SDK1: variants seen among roughly 807,000 people sequenced by gnomAD.
The protein encoded by SDK1 is protein sidekick-1.
Under a neutral mutation model 245.5 loss-of-function variants are expected in SDK1, and 157 were observed. The observed-to-expected ratio is 0.64, with a 90% confidence interval of 0.56 to 0.73. SDK1 has a LOEUF of 0.73. Among genes scored for constraint, SDK1 ranks in the 30% least tolerant of loss-of-function variants. The pLI is 0.00. For missense variants in SDK1, 3,583 were observed against 3,002.3 expected (o/e 1.19, Z -4.52); for synonymous variants, 1,647 against 1,278.5 (o/e 1.29, Z -6.15).
At chr7:3,759,957 C>G (rs1036089271) in intron 4 of SDK1, among the ~76,000 whole-genome samples, 4 of 152,098 alleles carry the variant, frequency 2.6e-5, no homozygotes, top group Non-Finnish European at 5.9e-5. Flanking sequence ...TATATATTTC[C>G]TTTTCCCATC....
chr7:4,012,254 G>A lies in SDK1; in HGVS notation c.2420+19G>A, dbSNP rs752129543. The stretch of plus-strand genomic sequence containing the variant: ...TCCTCAGGCAAGTGCCCTGTGATTG[G>A]CCATCTTTAGGCCGCCATTAGAGTT... On this transcript the variant is annotated intron_variant, in intron 16 of 44. Transcript: ENST00000404826. 1.4e-6 allele frequency: 2 copies of A among 1,466,874 alleles called. No homozygotes were observed. Among genetic ancestry groups the A allele is most frequent in the South Asian group, 1.5e-5 (1 of 66,308 alleles). 90.9% of individuals were successfully genotyped at this position (1,466,874 alleles called of 1,614,324 possible).
At chr7:3,404,207 T>C (rs1778992376) in intron 1 of SDK1, among the ~76,000 whole-genome samples, 1 of 151,996 alleles carries the variant, frequency 6.6e-6, no homozygotes, top group South Asian at 2.1e-4. Context: ...TTTTACAAAT[T>C]AAAGCCCTCA....
At chr7:4,234,732 CG>C (rs913887250) in intron 41 of SDK1, among the ~76,000 whole-genome samples, 2 of 152,176 alleles carry the variant, frequency 1.3e-5, no homozygotes, top group African/African-American at 4.8e-5. Flanking sequence ...TGGCTCCAGG[CG>C]TGACTTTCTT....
chr7:4,060,423 G>A (rs1779465050), intron 19 of SDK1, among the ~76,000 whole-genome samples: 1 of 152,152 alleles, frequency 6.6e-6, no homozygotes, highest in African/African-American at 2.4e-5. Flanking sequence ...GTGTTTTTTG[G>A]CTGCATAAAT....
intron 4 of SDK1, among the ~76,000 whole-genome samples, chr7:3,815,538 G>A (rs902201484): frequency 1.3e-5 from 2 of 149,318 alleles, no homozygotes; most frequent in East Asian, 2.0e-4. Flanking sequence ...GAGGATTTTT[G>A]CATCAATGTT....
chr7:4,031,848 G>A (rs1787841626), intron 17 of SDK1, among the ~76,000 whole-genome samples: 4 of 152,014 alleles, frequency 2.6e-5, no homozygotes. Flanking sequence ...CCAACATGGT[G>A]AAACTCTGTC....
chr7:4,059,928 G>A (rs994293638), intron 19 of SDK1, among the ~76,000 whole-genome samples: 13 of 148,542 alleles, frequency 8.8e-5, no homozygotes, highest in African/African-American at 3.0e-4. Flanking sequence ...CGCCCAGGCT[G>A]GAGTGCAGTG....
At chr7:3,685,551 A>C (rs1389061170) in intron 4 of SDK1, among the ~76,000 whole-genome samples, 2 of 152,212 alleles carry the variant, frequency 1.3e-5, no homozygotes, top group Non-Finnish European at 2.9e-5. Flanking sequence ...GGGCAAATAT[A>C]ATACACAATC....
chr7:3,685,825 A>G (rs1784265590), intron 4 of SDK1, among the ~76,000 whole-genome samples: 1 of 152,098 alleles, frequency 6.6e-6, no homozygotes, highest in Non-Finnish European at 1.5e-5. Flanking sequence ...AAAATACTCA[A>G]CCTATAGGAA....
intron 1 of SDK1, among the ~76,000 whole-genome samples, chr7:3,616,510 G>A (rs945343645): frequency 2.0e-5 from 3 of 152,172 alleles, no homozygotes; most frequent in South Asian, 4.1e-4. Context: ...CTGCTTAACG[G>A]TTTGGAGTGC....
chr7:3,944,329 T>A (rs1053059159), intron 5 of SDK1, among the ~76,000 whole-genome samples: 1 of 152,238 alleles, frequency 6.6e-6, no homozygotes, highest in Non-Finnish European at 1.5e-5. Flanking sequence ...TACCAAGATG[T>A]TTTGTGGCTG....
chr7:3,596,814 C>T (rs1478982833), intron 1 of SDK1, among the ~76,000 whole-genome samples: 8 of 152,156 alleles, frequency 5.3e-5, no homozygotes, highest in Non-Finnish European at 7.3e-5. Context: ...ACTCATGCTG[C>T]CACATCATCA....
rs534162253 is a variant in SDK1, at chr7:3,589,609, A to G, written c.299-29471A>G. Among the ~76,000 whole-genome samples, 4 of 152,334 alleles carry G rather than the reference A, an allele frequency of 2.6e-5. No individual in the cohort carries two copies. The East Asian group carries it at 7.7e-4, about 29-fold the overall frequency. The stretch of plus-strand genomic sequence containing the variant: ...GGGGAGGCCTCACAATCATGGTGGA[A>G]GGCAAAGGAGGAGTACAGACACGTC... On this transcript the variant is annotated intron_variant, in intron 1 of 44. Coordinates refer to ENST00000404826, the MANE Select transcript of SDK1 (RefSeq NM_152744.4).
Position 4,266,852 on chromosome 7 carries a change from A to T in SDK1, c.*1468A>T, listed in dbSNP as rs59729650. On this transcript the variant is annotated 3_prime_UTR_variant, in exon 45 of 45. Coordinates refer to ENST00000404826, the MANE Select transcript of SDK1 (RefSeq NM_152744.4). ...CAGCGTGACACACACAAGACTCAAGACCACCCTGTCAGTGCCCCCCAGTGC... is the reference window on the plus strand; with the variant it reads ...CAGCGTGACACACACAAGACTCAAGTCCACCCTGTCAGTGCCCCCCAGTGC... The T allele has an allele frequency of 1.0e-6, 1 of 985,422 alleles. No individual in the cohort carries two copies. The highest frequency in any genetic ancestry group is 1.7e-5 in the African/African-American group (1 of 57,314). The allele number at this position is 985,422 out of a possible 1,614,324, so 61.0% of individuals were successfully genotyped here.
chr7:3,701,495 G>C lies in SDK1; in HGVS notation c.713+59390G>C, dbSNP rs1015447237. Among the ~76,000 whole-genome samples, 7 of 152,278 alleles carry C rather than the reference G, an allele frequency of 4.6e-5. No homozygotes were observed. The South Asian group carries it at 6.2e-4, about 14-fold the overall frequency. ...CGTGCCTGTAGTCCCAGCTACTTGG[G>C]ACCGTGGGGCAGGTGGATTGCTTGA... On this transcript the variant is annotated intron_variant, in intron 4 of 44. Coordinates refer to ENST00000404826, the MANE Select transcript of SDK1 (RefSeq NM_152744.4).
In SDK1 at chr7:3,633,692, T is replaced by C. The variant is rs777813747; in HGVS notation, c.459-5312T>C. Among the ~76,000 whole-genome samples the C allele has an allele frequency of 5.3e-5, 8 of 152,194 alleles. 1 individual carries two copies. Among genetic ancestry groups the C allele is most frequent in the Admixed American group, 1.3e-4 (2 of 15,270 alleles). ...GTGAGCACCTAGTAACTTTAGAATA[T>C]ATTTCAGCCAAAATTATTTTGGCTA... On this transcript the variant is annotated intron_variant, in intron 2 of 44. Transcript: ENST00000404826.
intron 24 of SDK1, 66 bp from the exon 25 acceptor site, chr7:4,113,971 C>T (rs1037238858): frequency 7.3e-7 from 1 of 1,375,358 alleles, no homozygotes; most frequent in Admixed American, 1.7e-5. Context: ...CAGGCCCATC[C>T]CTTACAACCC....
intron 4 of SDK1, among the ~76,000 whole-genome samples, chr7:3,651,328 G>A (rs899001443): frequency 3.3e-5 from 5 of 151,880 alleles, no homozygotes; most frequent in African/African-American, 1.2e-4. Context: ...TTCTCTAATG[G>A]CTAATGATGT....
intron 5 of SDK1, among the ~76,000 whole-genome samples, chr7:3,947,163 G>GCA (rs144997929): frequency 6.6e-5 from 10 of 150,980 alleles, no homozygotes; most frequent in South Asian, 2.1e-4. Flanking sequence ...ATGCATGCAT[G>GCA]CACACACACA....
Sources: allele counts gnomAD v4.1 joint callset (sites outside exome capture counted in the v4.1 genomes callset), GRCh38; gene constraint gnomAD v4.1.1; transcripts MANE v1.5; gene names NCBI Gene and HGNC (gene_info 2026-07-23, HGNC 2026-07-21).